The following CUX1 variants were observed in gnomAD, a reference collection of about 807,000 sequenced individuals.
CUX1 encodes the protein cut like homeobox 1.
A neutral mutation model predicts 158.8 loss-of-function variants in CUX1; 31 were observed. The ratio of observed to expected loss-of-function variants is 0.20; its 90% confidence interval spans 0.15 to 0.26. The LOEUF (loss-of-function observed/expected upper bound fraction) is 0.26. Among genes scored for constraint, CUX1 ranks in the 10% least tolerant of loss-of-function variants. CUX1 has a pLI of 1.00. For missense variants in CUX1, 1,589 were observed against 2,014.6 expected (o/e 0.79, Z 4.04); for synonymous variants, 879 against 862.1 (o/e 1.02, Z -0.34).
chr7:101,947,456 C>A (rs1808530797), intron 2 of CUX1, among the ~76,000 whole-genome samples: 1 of 152,174 alleles, frequency 6.6e-6, no homozygotes, highest in Non-Finnish European at 1.5e-5. Flanking sequence ...TAAATATTTA[C>A]CCCATATCCA....
chr7:101,969,591 C>G (rs1811683898), intron 2 of CUX1, among the ~76,000 whole-genome samples: 1 of 152,090 alleles, frequency 6.6e-6, no homozygotes. Flanking sequence ...TTGATAGAAT[C>G]CCACACTTTT....
At chr7:102,000,069 A>G (rs929657303) in intron 2 of CUX1, among the ~76,000 whole-genome samples, 26 of 152,304 alleles carry the variant, frequency 1.7e-4, no homozygotes, top group Admixed American at 5.9e-4. Context: ...TACAAAAATT[A>G]GCTAGGCGTG....
intron 4 of CUX1, among the ~76,000 whole-genome samples, chr7:102,072,269 A>G (rs1363253667): frequency 2.0e-5 from 3 of 152,228 alleles, no homozygotes; most frequent in Non-Finnish European, 2.9e-5. Flanking sequence ...CCCATTGGCA[A>G]TTGGTGTTCA....
chr7:101,942,391 G>A (rs1807830091), intron 2 of CUX1, among the ~76,000 whole-genome samples: 1 of 152,160 alleles, frequency 6.6e-6, no homozygotes, highest in African/African-American at 2.4e-5. Context: ...ATCTTACCTT[G>A]TATTCAGTAT....
intron 1 of CUX1, among the ~76,000 whole-genome samples, chr7:101,866,499 G>T (rs1797940272): frequency 6.6e-6 from 1 of 151,900 alleles, no homozygotes; most frequent in African/African-American, 2.4e-5. Flanking sequence ...AGTTGTGGTA[G>T]CACTTGCCTG....
At chr7:102,277,936 C>A in intron 17 of CUX1, 1 of 1,292,130 alleles carries the variant, frequency 7.7e-7, no homozygotes, top group Non-Finnish European at 1.1e-6. Context: ...TTTCCTTGCC[C>A]CTCCCCCCCC....
At chr7:101,821,906 G>A (rs1320450378) in intron 1 of CUX1, among the ~76,000 whole-genome samples, 2 of 145,230 alleles carry the variant, frequency 1.4e-5, no homozygotes, top group Non-Finnish European at 1.5e-5. Flanking sequence ...CCAGGCTGGA[G>A]TGCAGTGGCG....
intron 20 of CUX1, 104 bp downstream of exon 20, chr7:102,205,274 C>A: frequency 1.2e-6 from 1 of 866,302 alleles, no homozygotes; most frequent in Admixed American, 1.9e-5. Flanking sequence ...ACCGCACATT[C>A]TGGATTTGGG....
At chr7:101,953,805 C>T (rs1406787094) in intron 2 of CUX1, among the ~76,000 whole-genome samples, 1 of 149,694 alleles carries the variant, frequency 6.7e-6, no homozygotes, top group African/African-American at 2.5e-5. Flanking sequence ...TAAGGGTTTT[C>T]TTCTGGGAAA....
At chr7:102,206,021 A>G (rs1043401865) in intron 20 of CUX1, among the ~76,000 whole-genome samples, 2 of 152,254 alleles carry the variant, frequency 1.3e-5, no homozygotes, top group Admixed American at 1.3e-4. Flanking sequence ...ATTCGTCTCC[A>G]TATCCCATTG....
rs3935473 is a variant in CUX1 at position 101,906,583 on chromosome 7, G to A, written c.31-9532G>A. Among the ~76,000 whole-genome samples, 943 of 152,006 alleles carry A rather than the reference G, an allele frequency of 6.2e-3. 12 individuals are homozygous for A. The highest frequency in any genetic ancestry group is 0.022 in the African/African-American group (893 of 41,444). On this transcript the variant is annotated intron_variant, in intron 1 of 23. Coordinates refer to ENST00000292535, the MANE Select transcript of CUX1 (RefSeq NM_181552.4). ...TTTGAGCAGGGAACGCCAAGCTCAC[G>A]GCGGGCTTTGGCAGGGCGCGCCCCG...
intron 2 of CUX1, among the ~76,000 whole-genome samples, chr7:101,930,600 C>T (rs981507718): frequency 6.6e-6 from 1 of 152,182 alleles, no homozygotes; most frequent in Admixed American, 6.5e-5. Flanking sequence ...AGTGAGTTTA[C>T]GAGGAGCATG....
chr7:102,274,043 G>T, intron 15 of CUX1: 1 of 566,990 alleles, frequency 1.8e-6, no homozygotes, highest in Middle Eastern at 4.8e-4. Context: ...CCTCAGGAGT[G>T]ACTCAGGGCC....
chr7:102,203,836 G>A (rs2132058735), intron 18 of CUX1, among the ~76,000 whole-genome samples: 1 of 152,228 alleles, frequency 6.6e-6, no homozygotes, highest in African/African-American at 2.4e-5. Flanking sequence ...TCACTCCCAG[G>A]CCGGCTCCCC....
intron 19 of CUX1, 135 bp from the exon 20 acceptor site, chr7:102,204,979 C>T: frequency 1.5e-6 from 1 of 660,238 alleles, no homozygotes; most frequent in Non-Finnish European, 2.7e-6. Context: ...CAGCGCCTCC[C>T]CGGCCCGTGG....
intron 21 of CUX1, among the ~76,000 whole-genome samples, chr7:102,233,576 C>A (rs1799218770): frequency 6.6e-6 from 1 of 152,122 alleles, no homozygotes; most frequent in Admixed American, 6.5e-5. Flanking sequence ...CACCTGAGGT[C>A]AGGAGTTCAA....
At chr7:102,282,758 C>T (rs1554549693) in exon 22 of CUX1, 2 of 1,613,374 alleles carry the variant, frequency 1.2e-6, no homozygotes, top group South Asian at 2.2e-5. Flanking sequence ...AGGGACTGTG[C>T]CACCTTCTGC....
chr7:102,157,417 G>A (rs558304463), intron 8 of CUX1, among the ~76,000 whole-genome samples: 2 of 152,298 alleles, frequency 1.3e-5, no homozygotes, highest in East Asian at 1.9e-4. Context: ...AGACATTGGG[G>A]TGGTGGTCTG....
chr7:102,257,011 GAGGA>G lies in CUX1; in HGVS notation c.*7973_*7976del. The G allele has an allele frequency of 1.0e-6, 1 of 985,416 alleles. No homozygotes were observed. Among genetic ancestry groups the G allele is most frequent in the African/African-American group, 1.7e-5 (1 of 57,352 alleles). 61.0% of individuals were successfully genotyped at this position (985,416 alleles called of 1,614,324 possible). On this transcript the variant is annotated 3_prime_UTR_variant, in exon 24 of 24. Transcript: ENST00000292535. Reference sequence around the variant, plus strand: ...TTTCCCCTATAGGTGGTTCAACGTGGAGGAAGGTTGGGTGTGGAGATTGCTTGCT... The same window carrying G: ...TTTCCCCTATAGGTGGTTCAACGTGGAGGTTGGGTGTGGAGATTGCTTGCT...
Sources: allele counts gnomAD v4.1 joint callset (sites outside exome capture counted in the v4.1 genomes callset), GRCh38; gene constraint gnomAD v4.1.1; transcripts MANE v1.5; gene names NCBI Gene and HGNC (gene_info 2026-07-23, HGNC 2026-07-21).